Variants in RIGI observed in about 807,000 individuals in gnomAD.
RIGI encodes RNA sensor RIG-I, also known as antiviral innate immune response receptor RIG-I.
the RIGI span, among the ~76,000 whole-genome samples, chr9:32,464,244 C>CAT: frequency 1.3e-5 from 2 of 152,096 alleles, no homozygotes; most frequent in African/African-American, 2.4e-5. Context: ...CGTTAAAACC[C>CAT]ATATACAGGG....
the RIGI span, chr9:32,491,412 C>G: frequency 1.2e-6 from 2 of 1,605,010 alleles, no homozygotes; most frequent in African/African-American, 2.7e-5. Context: ...GTTTCAACAT[C>G]TTTTATACCT....
At chr9:32,484,650 C>A in the RIGI span, among the ~76,000 whole-genome samples, 1 of 152,218 alleles carries the variant, frequency 6.6e-6, no homozygotes, top group Non-Finnish European at 1.5e-5. Context: ...TACTGCCTCT[C>A]TTTGGTCCTT....
chr9:32,498,699 C>A, the RIGI span, among the ~76,000 whole-genome samples: 1 of 152,008 alleles, frequency 6.6e-6, no homozygotes, highest in African/African-American at 2.4e-5. Context: ...CCACCATATT[C>A]CAGCTGGGTG....
the RIGI span, among the ~76,000 whole-genome samples, chr9:32,517,211 C>T: frequency 6.6e-6 from 1 of 152,158 alleles, no homozygotes; most frequent in Non-Finnish European, 1.5e-5. Flanking sequence ...AATCAAACTG[C>T]CATGGAAACT....
the RIGI span, among the ~76,000 whole-genome samples, chr9:32,461,611 A>T: frequency 6.6e-6 from 1 of 152,156 alleles, no homozygotes; most frequent in Admixed American, 6.5e-5. Context: ...ACATGAGTTT[A>T]TGACTGCTCA....
chr9:32,481,608 C>CCTCGAGG, the RIGI span: 1 of 786,206 alleles, frequency 1.3e-6, no homozygotes, highest in Non-Finnish European at 1.9e-6. Context: ...TTCCTCGAGG[C>CCTCGAGG]AGAGTCTCGC....
chr9:32,504,894 T>A, the RIGI span, among the ~76,000 whole-genome samples: 1 of 140,566 alleles, frequency 7.1e-6, no homozygotes, highest in African/African-American at 2.6e-5. Context: ...AAATATATAA[T>A]ATATAAAAGT....
chr9:32,508,146 C>T, the RIGI span, among the ~76,000 whole-genome samples: 1 of 151,266 alleles, frequency 6.6e-6, no homozygotes, highest in African/African-American at 2.4e-5. Context: ...AAGTCTCCCC[C>T]TTTTGAGGCA....
the RIGI span, chr9:32,487,381 G>A: frequency 7.8e-7 from 1 of 1,274,818 alleles, no homozygotes; most frequent in Admixed American, 2.1e-5. Context: ...CAGAGAGAGG[G>A]TCAAAGTTCA....
chr9:32,508,817 C>T, the RIGI span, among the ~76,000 whole-genome samples: 1 of 152,164 alleles, frequency 6.6e-6, no homozygotes, highest in Non-Finnish European at 1.5e-5. Context: ...GCAAATCCCA[C>T]CCCTACAGAG....
At chr9:32,476,857 A>C in the RIGI span, 3 of 822,416 alleles carry the variant, frequency 3.6e-6, no homozygotes, top group African/African-American at 5.2e-5. Context: ...CTTGGCCCCA[A>C]GCAATTCTCC....
the RIGI span, among the ~76,000 whole-genome samples, chr9:32,490,335 C>A: frequency 6.6e-6 from 1 of 152,278 alleles, no homozygotes; most frequent in East Asian, 1.9e-4. Flanking sequence ...TGCCACTGCA[C>A]GCCAGCCTGA....
At chr9:32,517,384 T>C in the RIGI span, among the ~76,000 whole-genome samples, 1 of 152,230 alleles carries the variant, frequency 6.6e-6, no homozygotes, top group Non-Finnish European at 1.5e-5. Flanking sequence ...GTATACATGT[T>C]TAGATGTGTT....
At chr9:32,461,590 G>C in the RIGI span, among the ~76,000 whole-genome samples, 1 of 152,180 alleles carries the variant, frequency 6.6e-6, no homozygotes, top group South Asian at 2.1e-4. Flanking sequence ...TTCACGGACT[G>C]TCAGGAGATA....
At chr9:32,475,873 T>A in the RIGI span, among the ~76,000 whole-genome samples, 1 of 152,124 alleles carries the variant, frequency 6.6e-6, no homozygotes, top group East Asian at 1.9e-4. Context: ...GTCAAGAGAA[T>A]AAGCAGACAA....
chr9:32,494,439 A>G, the RIGI span, among the ~76,000 whole-genome samples: 1 of 152,180 alleles, frequency 6.6e-6, no homozygotes, highest in Admixed American at 6.5e-5. Flanking sequence ...CCTTTAAAAG[A>G]TATTTATTTA....
At chr9:32,514,505 C>G in the RIGI span, among the ~76,000 whole-genome samples, 1 of 152,096 alleles carries the variant, frequency 6.6e-6, no homozygotes, top group Non-Finnish European at 1.5e-5. Context: ...TGTTCTCACT[C>G]ATAAGTGGGA....
At chr9:32,491,636 A>C in the RIGI span, among the ~76,000 whole-genome samples, 1 of 150,206 alleles carries the variant, frequency 6.7e-6, no homozygotes, top group South Asian at 2.1e-4. Context: ...GAGCTATATT[A>C]CTCAAAGTGT....
chr9:32,515,279 C>G, the RIGI span, among the ~76,000 whole-genome samples: 1 of 146,850 alleles, frequency 6.8e-6, no homozygotes, highest in African/African-American at 2.5e-5. Flanking sequence ...GATCAGACCA[C>G]TGCACTCCAG....
Sources: allele counts gnomAD v4.1 joint callset (sites outside exome capture counted in the v4.1 genomes callset), GRCh38; gene constraint gnomAD v4.1.1; transcripts MANE v1.5; gene names NCBI Gene and HGNC (gene_info 2026-07-23, HGNC 2026-07-21).